Variants in SCAND1 observed in about 807,000 individuals in gnomAD.
The protein encoded by SCAND1 is SCAN domain-containing protein 1.
Under a neutral mutation model 3.4 loss-of-function variants are expected in SCAND1, and 3 were observed. That is an observed-to-expected ratio of 0.87 (90% CI 0.40 to 2.25). The LOEUF (loss-of-function observed/expected upper bound fraction) is 2.25. Ranked by LOEUF, SCAND1 falls within the 30% of genes most tolerant of loss-of-function variation. The probability of loss-of-function intolerance (pLI) is 0.05; values close to 1 mark genes in which losing one functional copy is unlikely to be tolerated. For synonymous variants in SCAND1, 152 were observed against 120.5 expected (o/e 1.26, Z -1.72); for missense variants, 303 against 258.8 (o/e 1.17, Z -1.17).
chr20:35,954,044 C>T lies in SCAND1; in HGVS notation c.241G>A (p.Val81Met). 2 of 1,541,680 alleles carry T rather than the reference C, an allele frequency of 1.3e-6. No homozygotes were observed. The highest frequency in any genetic ancestry group is 2.5e-5 in the East Asian group (1 of 40,742). ...ALELPLGPAPVSVAPQAEAEA... is the reference protein window; with the variant it reads ...ALELPLGPAPMSVAPQAEAEA... ...GCTTCGGCCTGAGGCGCTACGCTCA[C>T]GGGTGCGGGCCCGAGAGGCAGCTCC... Residue 81 changes from valine to methionine, a missense_variant, in exon 2 of 2, where the codon GTG becomes ATG. Val to Met is a conservative substitution (Grantham distance 21). Coordinates refer to ENST00000305978, the MANE Select transcript of SCAND1 (RefSeq NM_033630.3).
At chr20:35,958,186 A>C (rs2056275347), upstream of SCAND1, among the ~76,000 whole-genome samples, 1 of 152,192 alleles carries the variant, frequency 6.6e-6, no homozygotes, top group Admixed American at 6.5e-5. Context: ...TAATCCCAGC[A>C]CTTTGGGAGG....
At position 35,954,436 on chromosome 20, in the gene SCAND1, T is replaced by TGC. The variant is rs1394235912; in HGVS notation, c.-56+10_-56+11dup. 1 of 1,549,776 alleles carries TGC rather than the reference T, an allele frequency of 6.5e-7. No individual in the cohort carries two copies. The highest frequency in any genetic ancestry group is 8.7e-7 in the Non-Finnish European group (1 of 1,146,988). On this transcript the variant is annotated intron_variant, in intron 1 of 1. Coordinates refer to ENST00000305978, the MANE Select transcript of SCAND1 (RefSeq NM_033630.3). Reference sequence around the variant, plus strand: ...TCGGACTCGGGACCGGCCGAGAGTGTGCGGAGCTTACCTGCACCAGCGAAG... The same window carrying TGC: ...TCGGACTCGGGACCGGCCGAGAGTGTGCGCGGAGCTTACCTGCACCAGCGAAG...
Position 35,954,068 on chromosome 20 carries a change from C to A in SCAND1, c.217G>T (p.Glu73Ter). 6.5e-7 allele frequency: 1 copy of A among 1,538,586 alleles called. No individual in the cohort carries two copies. Among genetic ancestry groups the A allele is most frequent in the Non-Finnish European group, 8.8e-7 (1 of 1,140,030 alleles). Residue 73 changes from glutamate to a stop codon, truncating the protein, a stop_gained, in exon 2 of 2, where the codon GAG (glutamate) becomes TAG (stop). Coordinates refer to ENST00000305978, the MANE Select transcript of SCAND1 (RefSeq NM_033630.3). LOFTEE classifies it low-confidence loss of function (END_TRUNC). ...ACGGGTGCGGGCCCGAGAGGCAGCT[C>A]CAGGGCCGCGGAGGCCGCAGCTCGG... ...TPRAAASAAL[E>*]LPLGPAPVSV...
rs975383979 is a variant in SCAND1 at position 35,953,705 on chromosome 20, G to A, written c.*40C>T. 12 of 1,340,936 alleles carry A rather than the reference G, an allele frequency of 8.9e-6. No homozygotes were observed. Among genetic ancestry groups the A allele is most frequent in the South Asian group, 1.6e-5 (1 of 62,098 alleles). 83.1% of individuals were successfully genotyped at this position (1,340,936 alleles called of 1,614,324 possible). A position where few individuals can be genotyped will look rare whatever the true frequency, so the allele number is the denominator to read the frequency against. On this transcript the variant is annotated 3_prime_UTR_variant, in exon 2 of 2. Transcript: ENST00000305978. ...CCGGGCCCGATCATGGCCCCAGTCC[G>A]CACAGAGCGCCCGGCCCTGGCCGCC...
In SCAND1 at chr20:35,954,241, G is replaced by A. The variant is rs904488954; in HGVS notation, c.44C>T (p.Ala15Val). Residue 15 changes from alanine (A) to valine (V), a missense_variant, in exon 2 of 2, where the codon GCG becomes GTG. Physicochemically the swap from Ala to Val is moderately conservative, Grantham distance 64. Coordinates refer to ENST00000305978, the MANE Select transcript of SCAND1 (RefSeq NM_033630.3). ...EPILAATGSPAAVPPEKLEGA... is the reference protein window; with the variant it reads ...EPILAATGSPVAVPPEKLEGA... ...TTCCAGTTTCTCCGGTGGCACCGCCGCGGGACTCCCAGTGGCCGCCAAGAT... is the reference window on the plus strand; with the variant it reads ...TTCCAGTTTCTCCGGTGGCACCGCCACGGGACTCCCAGTGGCCGCCAAGAT... 3 of 1,612,942 alleles carry A rather than the reference G, an allele frequency of 1.9e-6. No homozygotes were observed. The highest frequency in any genetic ancestry group is 2.7e-5 in the African/African-American group (2 of 75,040).
Position 35,954,193 on chromosome 20 carries a change from G to A in SCAND1, c.92C>T (p.Pro31Leu). ...CGAGGAGCCCACACAGTTACGCTCA[G>A]GGGCTGAGCTCGAACCGGCTCCTTC... is the stretch of plus-strand genomic sequence containing the variant. ...KLEGAGSSSAPERNCVGSSLP... is the reference protein window; with the variant it reads ...KLEGAGSSSALERNCVGSSLP... Residue 31 changes from proline to leucine, a missense_variant, in exon 2 of 2, where the codon CCT (proline) becomes CTT (leucine). Transcript: ENST00000305978. 2 of 1,612,036 alleles carry A rather than the reference G, an allele frequency of 1.2e-6. No homozygotes were observed. Among genetic ancestry groups the A allele is most frequent in the Non-Finnish European group, 1.7e-6 (2 of 1,179,850 alleles).
upstream of SCAND1, among the ~76,000 whole-genome samples, chr20:35,955,940 C>T (rs181045190): frequency 3.3e-5 from 5 of 152,230 alleles, no homozygotes; most frequent in African/African-American, 1.2e-4. Flanking sequence ...AGACTGGTCT[C>T]GAACTCTTGA....
upstream of SCAND1, chr20:35,954,841 G>A: frequency 3.2e-6 from 1 of 312,528 alleles, no homozygotes; most frequent in Non-Finnish European, 6.5e-6. Context: ...TTAGGGTGAC[G>A]GCTGGCCGGG....
At chr20:35,954,532 C>T (rs34688876), upstream of SCAND1, 72 of 1,517,222 alleles carry the variant, frequency 4.7e-5, no homozygotes, top group East Asian at 1.8e-3. Context: ...CACCCGGAAG[C>T]CGCTTGCGGG....
upstream of SCAND1, among the ~76,000 whole-genome samples, chr20:35,957,162 C>G (rs1213210305): frequency 6.6e-6 from 1 of 152,114 alleles, no homozygotes; most frequent in Non-Finnish European, 1.5e-5. Flanking sequence ...CTATTAGAAT[C>G]ATTGAATGTC....
Position 35,953,983 on chromosome 20 carries a change from C to G in SCAND1, c.302G>C (p.Arg101Thr). The G allele has an allele frequency of 1.3e-6, 2 of 1,554,872 alleles. No individual in the cohort carries two copies. The highest frequency in any genetic ancestry group is 8.7e-7 in the Non-Finnish European group (1 of 1,150,106). Residue 101 changes from arginine to threonine, a missense_variant, in exon 2 of 2, where the codon AGA becomes ACA. Transcript: ENST00000305978. ...CTGGCGGAACGTCTCGGGACCGAGT[C>G]TAGAGCCGGCGGGGCCTGGTGTGGA... Reference protein sequence around the residue: ...ARSTPGPAGSRLGPETFRQRF... With the variant: ...ARSTPGPAGSTLGPETFRQRF...
intron 1 of SCAND1, 54 bp downstream of exon 1, chr20:35,954,394 C>G: frequency 2.6e-6 from 4 of 1,562,172 alleles, no homozygotes; most frequent in African/African-American, 1.4e-5. Flanking sequence ...GCAGAGCTCG[C>G]GTCACCCTTG....
chr20:35,954,511 C>A (rs770401022), upstream of SCAND1: 3 of 1,532,494 alleles, frequency 2.0e-6, no homozygotes, highest in East Asian at 2.5e-5. Context: ...GCGTCCAGGT[C>A]GGCGCGCGAG....
At chr20:35,954,773 G>GC (rs2056234417), upstream of SCAND1, 1 of 474,394 alleles carries the variant, frequency 2.1e-6, no homozygotes, top group East Asian at 7.8e-5. Context: ...GCGTGCGGGC[G>GC]CCCCTTCTGA....
At position 35,954,301 on chromosome 20, in the gene SCAND1, G is replaced by C. The variant is rs2056220227; in HGVS notation, c.-17C>G. 1.9e-6 allele frequency: 3 copies of C among 1,613,402 alleles called. No homozygotes were observed. Among genetic ancestry groups the C allele is most frequent in the Non-Finnish European group, 2.5e-6 (3 of 1,179,852 alleles). Reference sequence around the variant, plus strand: ...AGCCGCCATAACTCCAGCTCCGGGCGTCACTCTTTGTCCGGTAGCTGTGTG... The same window carrying C: ...AGCCGCCATAACTCCAGCTCCGGGCCTCACTCTTTGTCCGGTAGCTGTGTG... On this transcript the variant is annotated 5_prime_UTR_variant, in exon 2 of 2. Transcript: ENST00000305978.
rs1323465485 is a variant in SCAND1 at position 35,954,038 on chromosome 20, C to T, written c.247G>A (p.Val83Ile). 5.8e-6 allele frequency: 9 copies of T among 1,542,330 alleles called. No individual in the cohort carries two copies. Among genetic ancestry groups the T allele is most frequent in the South Asian group, 1.2e-5 (1 of 83,950 alleles). Residue 83 changes from valine (V) to isoleucine (I), a missense_variant, in exon 2 of 2, where the codon GTA becomes ATA. Physicochemically the swap from Val to Ile is conservative, Grantham distance 29. Coordinates refer to ENST00000305978, the MANE Select transcript of SCAND1 (RefSeq NM_033630.3). Reference sequence around the variant, plus strand: ...GCTTCAGCTTCGGCCTGAGGCGCTACGCTCACGGGTGCGGGCCCGAGAGGC... The same window carrying T: ...GCTTCAGCTTCGGCCTGAGGCGCTATGCTCACGGGTGCGGGCCCGAGAGGC... ...ELPLGPAPVS[V>I]APQAEAEARS... is the part of the protein sequence containing the mutation.
At chr20:35,956,463 C>T (rs761614310), upstream of SCAND1, among the ~76,000 whole-genome samples, 14 of 152,304 alleles carry the variant, frequency 9.2e-5, no homozygotes, top group Non-Finnish European at 1.9e-4. Flanking sequence ...TACTCTGTCC[C>T]ATTTGGTCTC....
At chr20:35,957,107 T>C (rs182647988), upstream of SCAND1, among the ~76,000 whole-genome samples, 60 of 152,320 alleles carry the variant, frequency 3.9e-4, no homozygotes, top group African/African-American at 1.3e-3. Context: ...TCCATCCCTA[T>C]TGAAATCGTG....
Position 35,954,163 on chromosome 20 carries a change from G to A in SCAND1, c.122C>T (p.Pro41Leu). ...PERNCVGSSL[P>L]EASPPAPEPS... ...CTCAGGGGCAGGCGGTGAGGCCTCT[G>A]GCAGCGAGGAGCCCACACAGTTACG... is the stretch of plus-strand genomic sequence containing the variant. Residue 41 changes from proline to leucine, a missense_variant, in exon 2 of 2, where the codon CCA becomes CTA. Physicochemically the swap from Pro to Leu is moderately conservative, Grantham distance 98 (BLOSUM62 -3). Transcript: ENST00000305978. 1 of 1,601,438 alleles carries A rather than the reference G, an allele frequency of 6.2e-7. No individual in the cohort carries two copies. Among genetic ancestry groups the A allele is most frequent in the Non-Finnish European group, 8.5e-7 (1 of 1,175,070 alleles).
Sources: gnomAD v4.1 joint callset for allele counts (sites outside exome capture counted in the v4.1 genomes callset) on GRCh38, gnomAD v4.1.1 for gene constraint, MANE v1.5 for transcripts, NCBI Gene and HGNC (gene_info 2026-07-23, HGNC 2026-07-21) for gene names.